TNFRSF13B: variants seen among roughly 807,000 people sequenced by gnomAD.
TNFRSF13B encodes the protein tumor necrosis factor receptor superfamily member 13B.
Under a neutral mutation model 24.0 loss-of-function variants are expected in TNFRSF13B, and 34 were observed. The ratio of observed to expected loss-of-function variants is 1.41; its 90% CI spans 1.08 to 1.88. The LOEUF (loss-of-function observed/expected upper bound fraction) is 1.88, where lower values mean the gene tolerates loss of function less well. TNFRSF13B is among the 40% of genes most tolerant of loss of function. The pLI is 0.00. For missense variants in TNFRSF13B, 415 were observed against 380.8 expected, an observed-to-expected ratio of 1.09 and a Z score of -0.75; for synonymous variants, 173 against 150.3, an observed-to-expected ratio of 1.15 and a Z score of -1.10.
At chr17:16,957,100 GA>G (rs2087630254) in intron 1 of TNFRSF13B, among the ~76,000 whole-genome samples, 1 of 151,774 alleles carries the variant, frequency 6.6e-6, no homozygotes. Context: ...TGTGCGGGGG[GA>G]TGTGGACAGG....
chr17:16,942,273 C>T lies in TNFRSF13B; in HGVS notation c.446-1762G>A, dbSNP rs192956198. Among the ~76,000 whole-genome samples, 35 of 152,296 alleles carry T rather than the reference C, an allele frequency of 2.3e-4. No individual in the cohort carries two copies. In the East Asian group the frequency reaches 6.6e-3, roughly 29 times the overall value. On this transcript the variant is annotated intron_variant, in intron 3 of 4. Transcript: ENST00000261652. ...CGGTCTTAGACCTGCACCCGGGAGC[C>T]GGTCTCACCAATTCCCAGGCCGGTG...
At chr17:16,964,166 G>A (rs984107841) in intron 1 of TNFRSF13B, among the ~76,000 whole-genome samples, 3 of 151,726 alleles carry the variant, frequency 2.0e-5, no homozygotes, top group Non-Finnish European at 4.4e-5. Flanking sequence ...AAGGAGAGAA[G>A]GAAGGAGGAG....
Position 16,972,026 on chromosome 17 carries a change from TG to T in TNFRSF13B, c.49del (p.Gln17ArgfsTer15), listed in dbSNP as rs1555550717. 1.2e-6 allele frequency: 2 copies of T among 1,613,988 alleles called. No homozygotes were observed. Among genetic ancestry groups the T allele is most frequent in the Admixed American group, 1.7e-5 (1 of 60,000 alleles). On this transcript the variant is annotated frameshift_variant, in exon 1 of 5. Transcript: ENST00000261652. LOFTEE classifies it high-confidence loss of function. ...SRRGGRSRVD[Q>X]EERFPQGLWT... ...GCCCGGCTACTCACAGCGCTCCTCCTGGTCCACACGGCTCCGGCCACCTCGC... is the reference window on the plus strand; with the variant it reads ...GCCCGGCTACTCACAGCGCTCCTCCTGTCCACACGGCTCCGGCCACCTCGC...
At chr17:16,948,471 A>T (rs2087564314) in intron 3 of TNFRSF13B, among the ~76,000 whole-genome samples, 1 of 152,222 alleles carries the variant, frequency 6.6e-6, no homozygotes, top group Non-Finnish European at 1.5e-5. Context: ...CCTGTGCTTC[A>T]ATGACTGGCA....
chr17:16,971,293 A>C (rs971229844), intron 1 of TNFRSF13B, among the ~76,000 whole-genome samples: 1 of 152,086 alleles, frequency 6.6e-6, no homozygotes, highest in African/African-American at 2.4e-5. Flanking sequence ...AGGTTGCAGA[A>C]AGCCGAGATC....
At chr17:16,955,016 GTC>G (rs1567654018) in intron 1 of TNFRSF13B, among the ~76,000 whole-genome samples, 1 of 152,228 alleles carries the variant, frequency 6.6e-6, no homozygotes, top group Non-Finnish European at 1.5e-5. Flanking sequence ...GAAATCAGAA[GTC>G]TCTGCTCTGG....
In TNFRSF13B at chr17:16,948,750, C is replaced by T. The variant is rs766625705; in HGVS notation, c.433G>A (p.Glu145Lys). The change falls in exon 3 of 5, where the codon GAA (glutamate) becomes AAA (lysine). Residue 145 changes from glutamate (E) to lysine (K), a missense_variant. Physicochemically the swap from Glu to Lys is moderately conservative, Grantham distance 56. Coordinates refer to ENST00000261652, the MANE Select transcript of TNFRSF13B (RefSeq NM_012452.3). ...TTGGGTGGCTTACCTGGACTTGCTT[C>T]TGAGCCTCTGTGCTCCAATCCTTGG... is the stretch of plus-strand genomic sequence containing the variant. ...RYQGLEHRGS[E>K]ASPALPGLKL... 5.6e-6 allele frequency: 9 copies of T among 1,614,086 alleles called. No individual in the cohort carries two copies. Among genetic ancestry groups the T allele is most frequent in the Non-Finnish European group, 7.6e-6 (9 of 1,180,044 alleles).
intron 3 of TNFRSF13B, among the ~76,000 whole-genome samples, chr17:16,942,473 C>T (rs2087518244): frequency 6.6e-6 from 1 of 152,178 alleles, no homozygotes; most frequent in South Asian, 2.1e-4. Context: ...GAGTTCGTGT[C>T]ACTCCGCCAG....
intron 1 of TNFRSF13B, among the ~76,000 whole-genome samples, chr17:16,953,695 C>T (rs536771611): frequency 6.6e-6 from 1 of 152,338 alleles, no homozygotes; most frequent in African/African-American, 2.4e-5. Context: ...CCATCCTCTT[C>T]TGATTTCATG....
Position 16,942,992 on chromosome 17 carries a change from G to A in TNFRSF13B, c.446-2481C>T, listed in dbSNP as rs572677036. 3.9e-5 allele frequency among the ~76,000 whole-genome samples: 6 copies of A among 152,184 alleles called. No individual in the cohort carries two copies. The East Asian group carries it at 1.2e-3, about 29-fold the overall frequency. Reference sequence around the variant, plus strand: ...CTCCCTTGGGCCTGAGCTACCACTCGAGAAGTCCAACTGGAGAGTCCCAGT... The same window carrying A: ...CTCCCTTGGGCCTGAGCTACCACTCAAGAAGTCCAACTGGAGAGTCCCAGT... On this transcript the variant is annotated intron_variant, in intron 3 of 4. Coordinates refer to ENST00000261652, the MANE Select transcript of TNFRSF13B (RefSeq NM_012452.3).
At position 16,939,317 on chromosome 17, in the gene TNFRSF13B, CTCCTTCTCTGCCTGTCTCT is replaced by C; in HGVS notation, c.*211_*229del. The C allele has an allele frequency of 1.9e-6, 1 of 538,786 alleles. No individual in the cohort carries two copies. The highest frequency in any genetic ancestry group is 3.2e-6 in the Non-Finnish European group (1 of 313,402). The allele number at this position is 538,786 out of a possible 1,614,324, so 33.4% of individuals were successfully genotyped here. On this transcript the variant is annotated 3_prime_UTR_variant, in exon 5 of 5. Coordinates refer to ENST00000261652, the MANE Select transcript of TNFRSF13B (RefSeq NM_012452.3). ...TCTGCCTCTCTCCCTCTCTGCCTCT[CTCCTTCTCTGCCTGTCTCT>C]TTCCTTCTCTGCCTCTTTCCCTCTC...
chr17:16,959,250 G>A (rs1220183859), intron 1 of TNFRSF13B, among the ~76,000 whole-genome samples: 2 of 151,852 alleles, frequency 1.3e-5, no homozygotes, highest in African/African-American at 4.8e-5. Context: ...AGAAATGACA[G>A]GGGAAATTAT....
chr17:16,948,780 T>TGTCTGAATTG lies in TNFRSF13B; in HGVS notation c.402_403insCAATTCAGAC (p.Arg135GlnfsTer105). The stretch of plus-strand genomic sequence containing the variant: ...CCTCTGTGCTCCAATCCTTGGTACC[T>TGTCTGAATTG]TCCCGAGTTGTCTGAATTGTTTTCA... On this transcript the variant is annotated frameshift_variant, in exon 3 of 5. Coordinates refer to ENST00000261652, the MANE Select transcript of TNFRSF13B (RefSeq NM_012452.3). LOFTEE classifies it high-confidence loss of function. 1.2e-6 allele frequency: 2 copies of TGTCTGAATTG among 1,614,226 alleles called. No homozygotes were observed. The highest frequency in any genetic ancestry group is 1.7e-6 in the Non-Finnish European group (2 of 1,180,040).
intron 4 of TNFRSF13B, chr17:16,940,031 C>T: frequency 2.1e-6 from 2 of 967,524 alleles, no homozygotes; most frequent in Middle Eastern, 3.4e-4. Context: ...CCTGCCACGC[C>T]CCCCAAGGGG....
In TNFRSF13B at chr17:16,940,471, C is replaced by T. The variant is rs1035290272; in HGVS notation, c.486G>A (p.Leu162=). 3.7e-6 allele frequency: 6 copies of T among 1,613,672 alleles called. No individual in the cohort carries two copies. The African/African-American group carries it at 5.3e-5, about 14-fold the overall frequency. The change falls in exon 4 of 5, where the codon CTG becomes CTA. Residue 162 remains leucine, a synonymous_variant. Transcript: ENST00000261652. The part of the protein sequence containing the change: ...GLKLSADQVA[L]VYSTLGLCLC... ...GGCAGAGCCCCAGCGTGCTGTAGAC[C>T]AGGGCCACCTGATCTGCACTCAGCT... is the stretch of plus-strand genomic sequence containing the variant.
intron 2 of TNFRSF13B, among the ~76,000 whole-genome samples, chr17:16,950,489 C>T (rs1381577089): frequency 2.6e-5 from 4 of 152,232 alleles, no homozygotes; most frequent in African/African-American, 7.2e-5. Context: ...TAAAAGATCA[C>T]GGAATTGGGA....
At chr17:16,970,116 C>G (rs2087733607) in intron 1 of TNFRSF13B, among the ~76,000 whole-genome samples, 1 of 152,170 alleles carries the variant, frequency 6.6e-6, no homozygotes. Context: ...GTCCCCGCCC[C>G]CTCCTCTACC....
intron 2 of TNFRSF13B, among the ~76,000 whole-genome samples, chr17:16,950,865 G>C (rs540540546): frequency 6.6e-6 from 1 of 151,708 alleles, no homozygotes; most frequent in Admixed American, 6.6e-5. Flanking sequence ...TCTGATTTCC[G>C]CATTCTGTGA....
Position 16,948,763 on chromosome 17 carries a change from C to T in TNFRSF13B, c.420G>A (p.Glu140=). Residue 140 remains glutamate, a synonymous_variant, in exon 3 of 5, where the codon GAG becomes GAA. Transcript: ENST00000261652. ...CTGGACTTGCTTCTGAGCCTCTGTGCTCCAATCCTTGGTACCTTCCCGAGT... is the reference window on the plus strand; with the variant it reads ...CTGGACTTGCTTCTGAGCCTCTGTGTTCCAATCCTTGGTACCTTCCCGAGT... ...SDNSGRYQGL[E]HRGSEASPAL... is the part of the protein sequence containing the mutation. 6.2e-7 allele frequency: 1 copy of T among 1,614,202 alleles called. No homozygotes were observed. The highest frequency in any genetic ancestry group is 1.1e-5 in the South Asian group (1 of 91,082).
Sources: gnomAD v4.1 joint callset for allele counts (sites outside exome capture counted in the v4.1 genomes callset) on GRCh38, gnomAD v4.1.1 for gene constraint, MANE v1.5 for transcripts, NCBI Gene and HGNC (gene_info 2026-07-23, HGNC 2026-07-21) for gene names.